The following STK36 variants were observed in gnomAD, a reference collection of about 807,000 sequenced individuals.
The protein encoded by STK36 is serine/threonine kinase 36, also known as serine/threonine-protein kinase 36.
Under a neutral mutation model 142.2 loss-of-function variants are expected in STK36, and 116 were observed. The ratio of observed to expected loss-of-function variants is 0.82; its 90% CI spans 0.70 to 0.95. The LOEUF (loss-of-function observed/expected upper bound fraction) is 0.95, where lower values mean the gene tolerates loss of function less well. Ranked by LOEUF, STK36 falls within the 40% of genes least tolerant of loss-of-function variation. The pLI is 0.00. For synonymous variants in STK36, 619 were observed against 641.7 expected, an observed-to-expected ratio of 0.96 and a Z score of 0.53; for missense variants, 1,422 against 1,617.2, an observed-to-expected ratio of 0.88 and a Z score of 2.07.
In STK36 at chr2:218,675,384, T is replaced by C; in HGVS notation, c.345T>C (p.Tyr115=). The C allele has an allele frequency of 1.2e-6, 2 of 1,612,570 alleles. No homozygotes were observed. Among genetic ancestry groups the C allele is most frequent in the Non-Finnish European group, 1.7e-6 (2 of 1,179,452 alleles). Residue 115 remains tyrosine (Y), a synonymous_variant, in exon 5 of 27, where the codon TAT becomes TAC. Coordinates refer to ENST00000295709, the MANE Select transcript of STK36 (RefSeq NM_015690.5). The part of the protein sequence containing the change: ...IAAQLVSALY[Y]LHSHRILHRD... ...CCCAGTTGGTGTCAGCCCTGTACTATCTGCATTCCCACCGCATCCTACACC... is the reference window on the plus strand; with the variant it reads ...CCCAGTTGGTGTCAGCCCTGTACTACCTGCATTCCCACCGCATCCTACACC...
intron 26 of STK36, among the ~76,000 whole-genome samples, chr2:218,700,977 A>G (rs371907197): frequency 6.7e-6 from 1 of 150,146 alleles, no homozygotes; most frequent in Non-Finnish European, 1.5e-5. Flanking sequence ...ATGCCTCTGC[A>G]TTCCAGCCTG....
In STK36 at chr2:218,698,659, C is replaced by G; in HGVS notation, c.3115C>G (p.Arg1039Gly). The change falls in exon 26 of 27, where the codon CGC (arginine) becomes GGC (glycine). Residue 1039 changes from arginine (R) to glycine (G), a missense_variant. Physicochemically the swap from Arg to Gly is moderately radical, Grantham distance 125. Around this residue, in one of 2 missense-constraint regions of STK36, gnomAD observed 962 missense variants for 1,167.5 expected, o/e 0.82. Transcript: ENST00000295709. The part of the protein sequence containing the change: ...QVELPISLLT[R>G]LALMDPTSLN... ...GGAGCTGCCCATCAGCCTTCTCACA[C>G]GCCTGGCCCTCATGGATCCCACCTC... 1 of 1,614,178 alleles carries G rather than the reference C, an allele frequency of 6.2e-7. No homozygotes were observed. Among genetic ancestry groups the G allele is most frequent in the Non-Finnish European group, 8.5e-7 (1 of 1,180,022 alleles).
At position 218,693,807 on chromosome 2, in the gene STK36, T is replaced by C; in HGVS notation, c.2233T>C (p.Leu745=). 2 of 1,614,210 alleles carry C rather than the reference T, an allele frequency of 1.2e-6. No individual in the cohort carries two copies. The highest frequency in any genetic ancestry group is 1.7e-6 in the Non-Finnish European group (2 of 1,180,044). The stretch of plus-strand genomic sequence containing the variant: ...CCTGGCCTTGGAATCCCTGTTTATG[T>C]TGATTCAGGGCAAGGTAAGCCAGCT... ...EPLALESLFM[L]IQGKVKVVDW... is the part of the protein sequence containing the mutation. The change falls in exon 18 of 27, where the codon TTG becomes CTG. Residue 745 remains leucine (L), a synonymous_variant. Transcript: ENST00000295709.
At chr2:218,695,862 C>CTTTT (rs34836020) in intron 21 of STK36, among the ~76,000 whole-genome samples, 13 of 100,042 alleles carry the variant, frequency 1.3e-4, no homozygotes, top group African/African-American at 2.5e-4. Flanking sequence ...ATGTAGAATT[C>CTTTT]TTTTTTTTTT....
chr2:218,684,860 T>C (rs1940708055), intron 10 of STK36: 1 of 432,186 alleles, frequency 2.3e-6, no homozygotes, highest in East Asian at 3.4e-5. Flanking sequence ...TTTCTAGGTA[T>C]CTCTTTATGC....
At chr2:218,680,467 A>C (rs1559332708) in intron 9 of STK36, 136 bp from the exon 10 acceptor site, 1 of 674,026 alleles carries the variant, frequency 1.5e-6, no homozygotes, top group Non-Finnish European at 2.6e-6. Context: ...CCCACATCCC[A>C]GAAAGAAGTC....
chr2:218,700,455 A>G (rs1941401573), intron 26 of STK36, among the ~76,000 whole-genome samples: 1 of 151,642 alleles, frequency 6.6e-6, no homozygotes, highest in Non-Finnish European at 1.5e-5. Flanking sequence ...AGGCTGGAGT[A>G]CAATGGCACA....
rs752688441 is a variant in STK36, at chr2:218,701,976, C to T, written c.3915C>T (p.Leu1305=). 21 of 1,614,020 alleles carry T rather than the reference C, an allele frequency of 1.3e-5. No homozygotes were observed. The highest frequency in any genetic ancestry group is 8.5e-7 in the Non-Finnish European group (1 of 1,180,004). Residue 1305 remains leucine (L), a synonymous_variant, in exon 27 of 27, where the codon CTC becomes CTT. Transcript: ENST00000295709. ...RPASAKHCRK[L]IHLLRPAHSM ...CCTCTGCCAAACACTGCAGGAAACT[C>T]ATTCACCTCCTGAGGCCAGCCCATA... is the stretch of plus-strand genomic sequence containing the variant.
At chr2:218,681,379 A>G (rs989843552) in intron 10 of STK36, among the ~76,000 whole-genome samples, 3 of 152,152 alleles carry the variant, frequency 2.0e-5, no homozygotes, top group African/African-American at 4.8e-5. Context: ...TGCCTGCCTC[A>G]GCCTCCCAAA....
chr2:218,672,110 A>G lies in STK36; in HGVS notation c.-195A>G. On this transcript the variant is annotated 5_prime_UTR_variant, in exon 1 of 27. Coordinates refer to ENST00000295709, the MANE Select transcript of STK36 (RefSeq NM_015690.5). ...TAGCCGGGCCTGATGGCCCTGAGGC[A>G]GTTCGGATGTGTCCCAGGAAGTGCC... 1.0e-6 allele frequency: 1 copy of G among 990,584 alleles called. No individual in the cohort carries two copies. Among genetic ancestry groups the G allele is most frequent in the Non-Finnish European group, 1.5e-6 (1 of 648,338 alleles). The allele number at this position is 990,584 out of a possible 1,614,324, so 61.4% of individuals were successfully genotyped here.
chr2:218,697,406 C>G, intron 23 of STK36, 57 bp from the exon 24 acceptor site: 1 of 1,595,648 alleles, frequency 6.3e-7, no homozygotes, highest in Admixed American at 1.7e-5. Context: ...TGTGGGGAAG[C>G]AGGGGTATCT....
intron 9 of STK36, 74 bp downstream of exon 9, chr2:218,680,154 A>C: frequency 4.1e-6 from 6 of 1,451,246 alleles, no homozygotes; most frequent in South Asian, 1.3e-5. Context: ...AAGCAAATAC[A>C]GAATGGTCCC....
At chr2:218,679,354 GTC>G in intron 7 of STK36, 93 bp downstream of exon 7, 1 of 1,376,114 alleles carries the variant, frequency 7.3e-7, no homozygotes, top group Non-Finnish European at 1.0e-6. Context: ...GATATAACAT[GTC>G]GTCTTTCCTC....
chr2:218,699,527 A>T (rs992535319), intron 26 of STK36, among the ~76,000 whole-genome samples, 179 bp downstream of exon 26: 5 of 152,134 alleles, frequency 3.3e-5, no homozygotes, highest in Non-Finnish European at 7.4e-5. Flanking sequence ...GGAGGAGGGA[A>T]GGGAGCTAGA....
intron 17 of STK36, 58 bp from the exon 18 acceptor site, chr2:218,693,665 A>C: frequency 6.6e-7 from 1 of 1,520,826 alleles, no homozygotes; most frequent in Non-Finnish European, 9.0e-7. Flanking sequence ...CTGAGCCTTC[A>C]ATCTTGGAGC....
rs749966354 is a variant in STK36, at chr2:218,697,882, G to A, written c.2938G>A (p.Val980Met). The change falls in exon 25 of 27, where the codon GTG becomes ATG. Residue 980 changes from valine to methionine, a missense_variant. This residue lies in a region of STK36 where 962 missense variants were observed against 1,167.5 expected (regional missense o/e 0.82). Transcript: ENST00000295709. ...TCATGGGTCTGAGTTTCTCCCTGTC[G>A]TGGTGCTCTCTGTCTGCCAGCTCCT... is the stretch of plus-strand genomic sequence containing the variant. The part of the protein sequence containing the change: ...APHGSEFLPV[V>M]VLSVCQLLCF... 34 of 1,614,004 alleles carry A rather than the reference G, an allele frequency of 2.1e-5. No individual in the cohort carries two copies. The highest frequency in any genetic ancestry group is 8.0e-5 in the African/African-American group (6 of 74,902).
rs1267367956 is a variant in STK36, at chr2:218,694,048, G to GT, written c.2336+66dup. On this transcript the variant is annotated intron_variant, in intron 19 of 26. Transcript: ENST00000295709. The surrounding 1 kb of genome is among the most constrained non-coding windows in gnomAD (Gnocchi z 4.4). ...GCCACATAGCTAACCCTCACAAAGA[G>GT]TATGGGGAATGGTACCCTACAGCAT... 6.7e-7 allele frequency: 1 copy of GT among 1,494,026 alleles called. No individual in the cohort carries two copies. 92.5% of individuals were successfully genotyped at this position (1,494,026 alleles called of 1,614,324 possible). A position where few individuals can be genotyped will look rare whatever the true frequency, so the allele number is the denominator to read the frequency against.
rs568209569 is a variant in STK36, at chr2:218,673,011, T to C, written c.84+98T>C. On this transcript the variant is annotated intron_variant, in intron 2 of 26. Transcript: ENST00000295709. ...GGAATGTATTTATACCAGTTTGTAT[T>C]CCTAAGGTACTGACTCCCTCATACT... 5.8e-5 allele frequency: 66 copies of C among 1,133,034 alleles called. No homozygotes were observed. In the African/African-American group the frequency reaches 9.6e-4, roughly 16 times the overall value. 70.2% of individuals were successfully genotyped at this position (1,133,034 alleles called of 1,614,324 possible).
intron 21 of STK36, among the ~76,000 whole-genome samples, chr2:218,695,037 T>C (rs2106363470): frequency 6.6e-6 from 1 of 152,252 alleles, no homozygotes; most frequent in South Asian, 2.1e-4. Context: ...TTGTTCTTCT[T>C]AACAGATGGA....
Sources: allele counts gnomAD v4.1 joint callset (sites outside exome capture counted in the v4.1 genomes callset), GRCh38; gene constraint gnomAD v4.1.1; regional missense constraint gnomAD v4.1.1; non-coding constraint Gnocchi (gnomAD v3.1); transcripts MANE v1.5; gene names NCBI Gene and HGNC (gene_info 2026-07-23, HGNC 2026-07-21).